MTMR8: variants seen among roughly 807,000 people sequenced by gnomAD.
MTMR8 encodes the protein myotubularin related protein 8.
A neutral mutation model predicts 39.3 loss-of-function variants in MTMR8; 65 were observed. That is an observed-to-expected ratio of 1.65 (90% CI 1.35 to 2.03). The LOEUF (loss-of-function observed/expected upper bound fraction) is 2.03, where lower values mean the gene tolerates loss of function less well. MTMR8 is among the 30% of genes most tolerant of loss of function. The pLI, the probability that MTMR8 is intolerant of heterozygous loss-of-function variation, is 0.00. For synonymous variants in MTMR8, 245 were observed against 185.2 expected, an observed-to-expected ratio of 1.32 and a Z score of -2.62; for missense variants, 777 against 538.9, an observed-to-expected ratio of 1.44 and a Z score of -4.37.
At chrX:64,385,030 C>T (rs1340322777) in intron 1 of MTMR8, among the ~76,000 whole-genome samples, 1 of 112,291 alleles carries the variant, frequency 8.9e-6, no homozygotes, top group African/African-American at 3.2e-5. Context: ...CATTTCATTG[C>T]TCGTGCATCT....
At chrX:64,290,468 C>T (rs1308516364) in intron 12 of MTMR8, among the ~76,000 whole-genome samples, 2 of 110,494 alleles carry the variant, frequency 1.8e-5, no homozygotes, top group African/African-American at 6.6e-5. Flanking sequence ...TAATAGCGTT[C>T]CCATGGACTC....
intron 12 of MTMR8, among the ~76,000 whole-genome samples, chrX:64,288,384 A>G (rs927143556): frequency 6.3e-5 from 7 of 111,353 alleles, no homozygotes; most frequent in African/African-American, 2.3e-4. Context: ...GCTGGAGAGG[A>G]TGTGGAGAAA....
chrX:64,394,231 C>G (rs1203351489), intron 1 of MTMR8, among the ~76,000 whole-genome samples: 1 of 111,650 alleles, frequency 9.0e-6, no homozygotes, highest in Admixed American at 9.5e-5. Flanking sequence ...ATGATTCAAC[C>G]GTCTCCCACC....
intron 12 of MTMR8, among the ~76,000 whole-genome samples, chrX:64,300,876 C>G (rs1401539306): frequency 9.0e-6 from 1 of 110,705 alleles, no homozygotes; most frequent in Non-Finnish European, 1.9e-5. Flanking sequence ...GTTGAAAATT[C>G]TTTCCTTTAA....
At chrX:64,310,975 C>G (rs1922278858) in intron 12 of MTMR8, among the ~76,000 whole-genome samples, 1 of 111,668 alleles carries the variant, frequency 9.0e-6, no homozygotes, top group Admixed American at 9.5e-5. Context: ...GTGCATGTGT[C>G]TTTATAGTAG....
chrX:64,331,536 C>T (rs751095929), intron 11 of MTMR8, 21 bp downstream of exon 11: 14 of 1,197,786 alleles, frequency 1.2e-5, no homozygotes, highest in African/African-American at 1.8e-5. Context: ...TGTTCAGTGT[C>T]TTCTCACAAA....
intron 3 of MTMR8, among the ~76,000 whole-genome samples, chrX:64,355,632 CA>C (rs1328334164): frequency 1.6e-4 from 18 of 109,551 alleles, no homozygotes; most frequent in African/African-American, 5.0e-4. Context: ...TGATTAAAAT[CA>C]AAGACTAAAA....
At position 64,359,519 on chromosome X, in the gene MTMR8, G is replaced by A. The variant is rs762465987; in HGVS notation, c.33C>T (p.Asn11=). The A allele has an allele frequency of 5.2e-5, 62 of 1,191,719 alleles. No homozygotes were observed. Among genetic ancestry groups the A allele is most frequent in the South Asian group, 7.5e-5 (4 of 53,582 alleles). The change falls in exon 2 of 14, where the codon AAC becomes AAT. Residue 11 remains asparagine, a synonymous_variant. Transcript: ENST00000374852. The stretch of plus-strand genomic sequence containing the variant: ...TCACATAACGATCCACCAATTTCAC[G>A]TTTTCTACCTGTTATTGGAGGAAAA... MDHITVPKVE[N]VKLVDRYVSK...
At chrX:64,274,489 C>T (rs1271256865) in intron 12 of MTMR8, among the ~76,000 whole-genome samples, 1 of 111,909 alleles carries the variant, frequency 8.9e-6, no homozygotes, top group East Asian at 2.8e-4. Context: ...ACAGCTATTA[C>T]AGAAAATGGT....
intron 12 of MTMR8, among the ~76,000 whole-genome samples, chrX:64,323,729 G>A (rs1336993421): frequency 2.7e-5 from 3 of 111,417 alleles, no homozygotes; most frequent in Non-Finnish European, 3.8e-5. Context: ...TTACCACAAT[G>A]GTATAAAACT....
At chrX:64,395,199 A>T (rs1924788834) in intron 1 of MTMR8, 141 bp downstream of exon 1, 1 of 604,307 alleles carries the variant, frequency 1.7e-6, no homozygotes, top group African/African-American at 2.2e-5. Flanking sequence ...GGGGGTGTGG[A>T]CCCAGAAAGA....
At position 64,331,740 on chromosome X, in the gene MTMR8, C is replaced by T. The variant is rs1471115809; in HGVS notation, c.1169G>A (p.Gly390Glu). 8.3e-7 allele frequency: 1 copy of T among 1,207,821 alleles called. No individual in the cohort carries two copies. Among genetic ancestry groups the T allele is most frequent in the Middle Eastern group, 2.3e-4 (1 of 4,339 alleles). ...KFSQRCGHLD[G>E]DSKEVSPIFT... ...GATAGGGGACACTTCTTTAGAGTCC[C>T]CATCGAGGTGGCCACACCTGAGAGA... Residue 390 changes from glycine (G) to glutamate (E), a missense_variant, in exon 11 of 14, where the codon GGG becomes GAG. Physicochemically the swap from Gly to Glu is moderately conservative, Grantham distance 98. Transcript: ENST00000374852.
chrX:64,286,743 C>T (rs1335719309), intron 12 of MTMR8, among the ~76,000 whole-genome samples: 1 of 111,453 alleles, frequency 9.0e-6, no homozygotes, highest in Non-Finnish European at 1.9e-5. Context: ...GCAGAAAAGG[C>T]CTTTGACAAA....
chrX:64,331,488 T>C, intron 11 of MTMR8, 69 bp downstream of exon 11: 1 of 995,247 alleles, frequency 1.0e-6, no homozygotes, highest in Non-Finnish European at 1.4e-6. Flanking sequence ...AAATTCAGGG[T>C]GGTAGGTACA....
intron 12 of MTMR8, among the ~76,000 whole-genome samples, chrX:64,286,124 T>A (rs1429092961): frequency 9.0e-6 from 1 of 111,047 alleles, no homozygotes; most frequent in African/African-American, 3.3e-5. Context: ...ATAGATGCAA[T>A]AAAAAATGAT....
rs1029456392 is a variant in MTMR8, at chrX:64,304,579, G to T, written c.1481+24193C>A. Among the ~76,000 whole-genome samples, 3 of 110,266 alleles carry T rather than the reference G, an allele frequency of 2.7e-5. No homozygotes were observed. In the Admixed American group the frequency reaches 2.9e-4, roughly 11 times the overall value. The stretch of plus-strand genomic sequence containing the variant: ...CTCTTTTACGGTTACAAGCCTTGAA[G>T]ATAATAGTACTACACTTTCCCCTCA... On this transcript the variant is annotated intron_variant, in intron 12 of 13. Coordinates refer to ENST00000374852, the MANE Select transcript of MTMR8 (RefSeq NM_017677.4).
chrX:64,359,904 C>T (rs73524800), intron 1 of MTMR8, among the ~76,000 whole-genome samples: 3 of 89,578 alleles, frequency 3.3e-5, no homozygotes, highest in African/African-American at 9.7e-5. Flanking sequence ...ATAGATCTTA[C>T]GTTACAGGGC....
At chrX:64,377,372 C>T (rs1924298234) in intron 1 of MTMR8, among the ~76,000 whole-genome samples, 1 of 112,472 alleles carries the variant, frequency 8.9e-6, no homozygotes, top group African/African-American at 3.2e-5. Context: ...GTGAAAGCAG[C>T]CAAGAGGGCT....
At chrX:64,328,731 G>A in intron 12 of MTMR8, 41 bp downstream of exon 12, 1 of 1,122,337 alleles carries the variant, frequency 8.9e-7, no homozygotes, top group Non-Finnish European at 1.2e-6. Context: ...TGAGACCCTG[G>A]GACCTGCTAT....
Sources: gnomAD v4.1 joint callset for allele counts (sites outside exome capture counted in the v4.1 genomes callset) on GRCh38, gnomAD v4.1.1 for gene constraint, MANE v1.5 for transcripts, NCBI Gene and HGNC (gene_info 2026-07-23, HGNC 2026-07-21) for gene names.